Variants in RALGAPA1 observed in about 807,000 individuals in gnomAD.
RALGAPA1 encodes the protein ral GTPase-activating protein subunit alpha-1.
In RALGAPA1, 52 loss-of-function variants were observed where a neutral mutation model predicts 269.6. That is an observed-to-expected ratio of 0.19 (90% CI 0.15 to 0.24). The LOEUF is 0.24. Ranked by LOEUF, RALGAPA1 falls within the 10% of genes least tolerant of loss-of-function variation. RALGAPA1 has a pLI of 1.00. For synonymous variants in RALGAPA1, 817 were observed against 1,008.3 expected (o/e 0.81, Z 3.60); for missense variants, 1,917 against 3,013.9 (o/e 0.64, Z 8.52).
At chr14:35,680,812 C>T (rs1284214461) in intron 21 of RALGAPA1, among the ~76,000 whole-genome samples, 1 of 151,182 alleles carries the variant, frequency 6.6e-6, no homozygotes, top group Non-Finnish European at 1.5e-5. Flanking sequence ...GACGGGGTTT[C>T]ACCGTGTTAG....
chr14:35,777,447 A>T (rs2141587985), intron 1 of RALGAPA1, among the ~76,000 whole-genome samples: 1 of 152,348 alleles, frequency 6.6e-6, no homozygotes, highest in South Asian at 2.1e-4. Context: ...TTTTCAGTGT[A>T]AGTGAGAATG....
intron 33 of RALGAPA1, among the ~76,000 whole-genome samples, chr14:35,632,085 T>C (rs2061392700): frequency 6.6e-6 from 1 of 152,184 alleles, no homozygotes; most frequent in Admixed American, 6.5e-5. Flanking sequence ...TTTTCTGCCC[T>C]AAGTTGCTTC....
intron 7 of RALGAPA1, among the ~76,000 whole-genome samples, chr14:35,755,659 A>C (rs1457721467): frequency 6.6e-6 from 1 of 152,228 alleles, no homozygotes; most frequent in African/African-American, 2.4e-5. Context: ...TATTCTAAGC[A>C]CTGTGCACTA....
At chr14:35,691,232 A>G (rs774471848) in intron 17 of RALGAPA1, among the ~76,000 whole-genome samples, 10 of 152,110 alleles carry the variant, frequency 6.6e-5, no homozygotes, top group Non-Finnish European at 1.0e-4. Context: ...AGTGTTGCAT[A>G]TCACTGCATT....
intron 37 of RALGAPA1, among the ~76,000 whole-genome samples, chr14:35,574,367 T>C (rs2057408808): frequency 6.6e-6 from 1 of 152,236 alleles, no homozygotes; most frequent in Non-Finnish European, 1.5e-5. Flanking sequence ...AAATATCTTC[T>C]GTATAGTATT....
At chr14:35,606,660 G>A (rs1437315823) in intron 35 of RALGAPA1, among the ~76,000 whole-genome samples, 2 of 151,506 alleles carry the variant, frequency 1.3e-5, no homozygotes, top group Non-Finnish European at 2.9e-5. Context: ...AGCTAACTAA[G>A]TCATGCTACA....
chr14:35,661,994 G>A (rs958453494), intron 27 of RALGAPA1, among the ~76,000 whole-genome samples: 10 of 152,144 alleles, frequency 6.6e-5, no homozygotes, highest in African/African-American at 1.7e-4. Context: ...AGATGTATAC[G>A]AGCGTTTCTT....
intron 3 of RALGAPA1, among the ~76,000 whole-genome samples, chr14:35,774,344 C>G (rs1409926778): frequency 1.3e-5 from 2 of 152,014 alleles, no homozygotes; most frequent in Non-Finnish European, 2.9e-5. Flanking sequence ...GATCAGAATA[C>G]TCCTATGACT....
intron 35 of RALGAPA1, among the ~76,000 whole-genome samples, chr14:35,622,478 C>A (rs1333431176): frequency 1.3e-5 from 2 of 152,072 alleles, no homozygotes; most frequent in Admixed American, 1.3e-4. Flanking sequence ...CAAACCTGCA[C>A]GTTGTGCACA....
chr14:35,675,575 C>T (rs1429106038), intron 22 of RALGAPA1, among the ~76,000 whole-genome samples: 3 of 152,094 alleles, frequency 2.0e-5, no homozygotes, highest in African/African-American at 7.2e-5. Flanking sequence ...CATAGGTAAT[C>T]TTAGTTCTAG....
At chr14:35,733,382 CAGG>C (rs2070687474) in intron 12 of RALGAPA1, among the ~76,000 whole-genome samples, 1 of 152,076 alleles carries the variant, frequency 6.6e-6, no homozygotes. Context: ...GAGGCTGAAG[CAGG>C]AGAATTGCTT....
At position 35,751,980 on chromosome 14, in the gene RALGAPA1, T is replaced by C. The variant is rs560446586; in HGVS notation, c.802+44A>G. The C allele has an allele frequency of 3.5e-5, 54 of 1,546,504 alleles. 1 individual carries two copies. The South Asian group carries it at 6.5e-4, about 19-fold the overall frequency. On this transcript the variant is annotated intron_variant, in intron 8 of 41. Coordinates refer to ENST00000680220, the MANE Select transcript of RALGAPA1 (RefSeq NM_001346249.2). ...CCAACTTTACAGTAAGAGATTATTTTACTCTTAAGTGTGATCTTTCAGAAA... is the reference window on the plus strand; with the variant it reads ...CCAACTTTACAGTAAGAGATTATTTCACTCTTAAGTGTGATCTTTCAGAAA...
At chr14:35,645,346 G>GTGTGTGTGTGT (rs1555387901) in intron 31 of RALGAPA1, among the ~76,000 whole-genome samples, 2 of 129,488 alleles carry the variant, frequency 1.5e-5, no homozygotes, top group Non-Finnish European at 3.2e-5. Flanking sequence ...TATAGAGATG[G>GTGTGTGTGTGT]GTGTGTGTGT....
At chr14:35,551,889 T>C (rs2055048028) in intron 39 of RALGAPA1, among the ~76,000 whole-genome samples, 1 of 152,088 alleles carries the variant, frequency 6.6e-6, no homozygotes, top group Non-Finnish European at 1.5e-5. Flanking sequence ...AAAACAATGC[T>C]TTCTAAAATT....
At chr14:35,703,648 C>T (rs575696941) in intron 16 of RALGAPA1, among the ~76,000 whole-genome samples, 1 of 152,262 alleles carries the variant, frequency 6.6e-6, no homozygotes, top group South Asian at 2.1e-4. Context: ...AATGAATTAG[C>T]TATTGAGATC....
intron 1 of RALGAPA1, among the ~76,000 whole-genome samples, chr14:35,806,319 T>C (rs886421498): frequency 2.6e-5 from 4 of 152,122 alleles, no homozygotes; most frequent in Non-Finnish European, 5.9e-5. Flanking sequence ...TGCTAATTTA[T>C]AATATCATTA....
chr14:35,683,254 T>C (rs949521746), intron 21 of RALGAPA1, among the ~76,000 whole-genome samples: 3 of 152,196 alleles, frequency 2.0e-5, no homozygotes, highest in African/African-American at 7.2e-5. Flanking sequence ...ACTCCACTTA[T>C]CACATTATGG....
chr14:35,678,211 C>T, intron 21 of RALGAPA1, 109 bp from the exon 22 acceptor site: 9 of 1,082,214 alleles, frequency 8.3e-6, no homozygotes, highest in Non-Finnish European at 1.0e-5. Context: ...AAAGATAAAA[C>T]CAGTTATAAA....
chr14:35,634,874 T>G (rs1314598928), intron 32 of RALGAPA1, 117 bp from the exon 33 acceptor site: 1 of 1,057,060 alleles, frequency 9.5e-7, no homozygotes, highest in African/African-American at 1.6e-5. Context: ...TTTAAATATT[T>G]TAAAACATCA....
Sources: gnomAD v4.1 joint callset for allele counts (sites outside exome capture counted in the v4.1 genomes callset) on GRCh38, gnomAD v4.1.1 for gene constraint, MANE v1.5 for transcripts, NCBI Gene and HGNC (gene_info 2026-07-23, HGNC 2026-07-21) for gene names.